OSBPL10: variants seen among roughly 807,000 people sequenced by gnomAD.
OSBPL10 encodes oxysterol-binding protein-related protein 10.
In OSBPL10, 49 loss-of-function variants were observed where a neutral mutation model predicts 81.7. The ratio of observed to expected loss-of-function variants is 0.60; its 90% CI spans 0.48 to 0.76. The LOEUF is 0.76. Ranked by LOEUF, OSBPL10 falls within the 30% of genes least tolerant of loss-of-function variation. The probability of loss-of-function intolerance (pLI) is 0.00; values close to 1 mark genes in which losing one functional copy is unlikely to be tolerated. For synonymous variants in OSBPL10, 419 were observed against 383.6 expected (o/e 1.09, Z -1.08); for missense variants, 923 against 987.8 (o/e 0.93, Z 0.88).
At chr3:31,885,748 T>A (rs1695715765) in intron 1 of OSBPL10, among the ~76,000 whole-genome samples, 1 of 150,038 alleles carries the variant, frequency 6.7e-6, no homozygotes, top group Non-Finnish European at 1.5e-5. Flanking sequence ...TTTGGGAGTC[T>A]GAGATGGGTG....
chr3:31,911,684 C>T (rs1696584994), intron 1 of OSBPL10, among the ~76,000 whole-genome samples: 4 of 151,998 alleles, frequency 2.6e-5, no homozygotes, highest in Admixed American at 2.6e-4. Context: ...GGGCTGCATT[C>T]AAAGCTGTCC....
chr3:31,885,432 C>T (rs1031989483), intron 1 of OSBPL10, among the ~76,000 whole-genome samples: 1 of 152,156 alleles, frequency 6.6e-6, no homozygotes, highest in South Asian at 2.1e-4. Flanking sequence ...TGTTCTCACT[C>T]GTTCACACCC....
chr3:31,834,720 A>G (rs1292222228), intron 3 of OSBPL10, among the ~76,000 whole-genome samples: 2 of 152,212 alleles, frequency 1.3e-5, no homozygotes, highest in Admixed American at 6.5e-5. Context: ...TCGGGTAACA[A>G]GCCTGGGAGA....
At chr3:31,927,625 A>C (rs1348477555) in intron 1 of OSBPL10, among the ~76,000 whole-genome samples, 1 of 152,350 alleles carries the variant, frequency 6.6e-6, no homozygotes, top group East Asian at 1.9e-4. Context: ...AATGGCCCTA[A>C]GTGGCCTTGG....
At chr3:31,890,581 A>C (rs1478547639) in intron 1 of OSBPL10, among the ~76,000 whole-genome samples, 1 of 152,108 alleles carries the variant, frequency 6.6e-6, no homozygotes, top group Admixed American at 6.5e-5. Flanking sequence ...CACCAGAATA[A>C]GTCAAAGTGA....
chr3:31,765,616 A>G (rs1698172722), intron 4 of OSBPL10, among the ~76,000 whole-genome samples: 1 of 152,170 alleles, frequency 6.6e-6, no homozygotes, highest in Admixed American at 6.5e-5. Context: ...CAATGCCACT[A>G]TGAGATGGAT....
At chr3:32,042,961 G>A (rs1211323942) in intron 2 of OSBPL10, among the ~76,000 whole-genome samples, 1 of 152,174 alleles carries the variant, frequency 6.6e-6, no homozygotes, top group Non-Finnish European at 1.5e-5. Context: ...GTTCAGCAGT[G>A]CAAGTATTGT....
intron 6 of OSBPL10, chr3:31,707,457 T>G (rs1482492497): frequency 1.3e-5 from 2 of 152,186 alleles, no homozygotes; most frequent in African/African-American, 4.8e-5. Context: ...ATATTGCAGT[T>G]CAATCATTTT....
At chr3:32,011,208 C>T (rs1699253135) in intron 2 of OSBPL10, among the ~76,000 whole-genome samples, 1 of 152,230 alleles carries the variant, frequency 6.6e-6, no homozygotes, top group African/African-American at 2.4e-5. Context: ...GGCAGACTGA[C>T]ACCTCACACA....
intron 3 of OSBPL10, among the ~76,000 whole-genome samples, chr3:31,861,713 A>G (rs12630934): frequency 0.092 from 14,034 of 152,194 alleles, 1,553 homozygotes; most frequent in African/African-American, 0.26. Flanking sequence ...AGAGGTTAAA[A>G]GTGACTACTA....
intron 2 of OSBPL10, among the ~76,000 whole-genome samples, chr3:32,024,431 C>CA (rs1449000463): frequency 5.4e-5 from 8 of 149,134 alleles, no homozygotes; most frequent in Admixed American, 5.3e-4. Flanking sequence ...TACTTTTGAT[C>CA]ATTTTTTCCT....
At chr3:31,783,215 A>C (rs1350330631) in intron 4 of OSBPL10, among the ~76,000 whole-genome samples, 1 of 150,610 alleles carries the variant, frequency 6.6e-6, no homozygotes, top group African/African-American at 2.5e-5. Context: ...AGCAACCTGG[A>C]TGGAGTTGGA....
At chr3:31,898,580 T>TA (rs80118352) in intron 1 of OSBPL10, among the ~76,000 whole-genome samples, 565 of 143,138 alleles carry the variant, frequency 3.9e-3, no homozygotes, top group African/African-American at 9.7e-3. Context: ...CCCTGTCTCT[T>TA]AAAAAAAAAA....
At chr3:32,068,984 C>T (rs1045032438) in intron 1 of OSBPL10, among the ~76,000 whole-genome samples, 4 of 152,108 alleles carry the variant, frequency 2.6e-5, no homozygotes, top group Admixed American at 1.3e-4. Context: ...ATTACCTCCC[C>T]TCCCCACACC....
intron 2 of OSBPL10, among the ~76,000 whole-genome samples, chr3:32,011,102 C>T (rs1699251586): frequency 2.0e-5 from 3 of 152,164 alleles, no homozygotes; most frequent in Admixed American, 2.0e-4. Flanking sequence ...AGTGGTTCTC[C>T]CAGCACGCAG....
In OSBPL10 at chr3:31,915,713, C is replaced by G. The variant is rs142034798; in HGVS notation, c.282-35883G>C. 3.4e-3 allele frequency among the ~76,000 whole-genome samples: 516 copies of G among 152,094 alleles called. 2 individuals carry two copies. The highest frequency in any genetic ancestry group is 0.012 in the African/African-American group (495 of 41,480). On this transcript the variant is annotated intron_variant, in intron 1 of 11. Coordinates refer to ENST00000396556, the MANE Select transcript of OSBPL10 (RefSeq NM_017784.5). Reference sequence around the variant, plus strand: ...TCAAACGTGAGCATCACTCAGTACACCCAGGTAACAAACCTGCCCGTGTAC... The same window carrying G: ...TCAAACGTGAGCATCACTCAGTACAGCCAGGTAACAAACCTGCCCGTGTAC...
intron 5 of OSBPL10, among the ~76,000 whole-genome samples, chr3:31,734,930 G>T (rs148223934): frequency 1.3e-5 from 2 of 152,322 alleles, no homozygotes; most frequent in East Asian, 3.9e-4. Flanking sequence ...CTTTTCATTA[G>T]AATTACTCAA....
chr3:31,806,229 A>AGG (rs1428931875), intron 4 of OSBPL10, among the ~76,000 whole-genome samples: 16 of 152,296 alleles, frequency 1.1e-4, no homozygotes, highest in African/African-American at 3.9e-4. Context: ...CCCTCCCAGC[A>AGG]GCCTCTGGCA....
chr3:32,009,343 T>C (rs1269743787), intron 2 of OSBPL10, among the ~76,000 whole-genome samples: 1 of 152,216 alleles, frequency 6.6e-6, no homozygotes, highest in African/African-American at 2.4e-5. Context: ...AGCAAACACA[T>C]GAGCCATTCA....
Sources: gnomAD v4.1 joint callset for allele counts (sites outside exome capture counted in the v4.1 genomes callset) on GRCh38, gnomAD v4.1.1 for gene constraint, MANE v1.5 for transcripts, NCBI Gene and HGNC (gene_info 2026-07-23, HGNC 2026-07-21) for gene names.